The following C7 variants were observed in gnomAD, a reference collection of about 807,000 sequenced individuals.
The protein encoded by C7 is complement C7, also known as complement component C7.
Under a neutral mutation model 104.8 loss-of-function variants are expected in C7, and 83 were observed. That is an observed-to-expected ratio of 0.79 (90% confidence interval 0.66 to 0.95). The LOEUF is 0.95. Ranked by LOEUF, C7 falls within the 40% of genes least tolerant of loss-of-function variation. C7 has a pLI of 0.00. For synonymous variants in C7, 415 were observed against 360.6 expected (o/e 1.15, Z -1.71); for missense variants, 1,070 against 1,011.2 (o/e 1.06, Z -0.79).
At chr5:40,917,461 C>CT (rs957806507) in intron 1 of C7, among the ~76,000 whole-genome samples, 4 of 152,160 alleles carry the variant, frequency 2.6e-5, no homozygotes, top group African/African-American at 7.2e-5. Context: ...GAATTTTCTT[C>CT]TTTTTTTAAG....
intron 1 of C7, among the ~76,000 whole-genome samples, chr5:40,919,332 C>T (rs1739392824): frequency 6.6e-6 from 1 of 152,056 alleles, no homozygotes. Flanking sequence ...ACCATGTTGG[C>T]CAGGCTGGAC....
At chr5:40,964,568 G>A (rs911988993) in intron 13 of C7, 173 bp from the exon 14 acceptor site, 2 of 537,922 alleles carry the variant, frequency 3.7e-6, no homozygotes, top group Non-Finnish European at 3.4e-6. Context: ...ATTAATGGTG[G>A]TGCTAGTGTT....
rs1467044147 is a variant in C7, at chr5:40,983,972, C to A, written c.*2399C>A. Among the ~76,000 whole-genome samples the A allele has an allele frequency of 1.3e-5, 2 of 152,126 alleles. No individual in the cohort carries two copies. The highest frequency in any genetic ancestry group is 3.9e-4 in the East Asian group (2 of 5,166). On this transcript the variant is annotated 3_prime_UTR_variant, in exon 18 of 18. Coordinates refer to ENST00000313164, the MANE Select transcript of C7 (RefSeq NM_000587.4). The stretch of plus-strand genomic sequence containing the variant: ...GAACAGACAAAGAGAAGGAAATTGG[C>A]TGGTGCATTAATCATCACTAGCTTC...
chr5:40,975,626 A>C (rs931251495), intron 15 of C7, among the ~76,000 whole-genome samples: 4 of 152,100 alleles, frequency 2.6e-5, no homozygotes, highest in African/African-American at 4.8e-5. Flanking sequence ...GGCCTCCCAA[A>C]GTGCTGAGAT....
chr5:40,963,762 C>G (rs114060850), intron 13 of C7, among the ~76,000 whole-genome samples: 1,691 of 152,210 alleles, frequency 0.011, 35 homozygotes, highest in African/African-American at 0.038. Flanking sequence ...CACCTTGCTT[C>G]GCCATGAAAG....
At chr5:40,973,969 A>G (rs981241860) in intron 15 of C7, among the ~76,000 whole-genome samples, 57 of 152,338 alleles carry the variant, frequency 3.7e-4, no homozygotes, top group African/African-American at 1.4e-3. Context: ...AGCCTATAAC[A>G]AACAAAAAAA....
intron 1 of C7, among the ~76,000 whole-genome samples, chr5:40,924,751 G>T (rs1336549366): frequency 2.6e-5 from 4 of 152,206 alleles, no homozygotes; most frequent in African/African-American, 7.2e-5. Context: ...CTTACAGTTT[G>T]CACCTGCTGA....
At chr5:40,930,785 C>G (rs546310573) in intron 2 of C7, among the ~76,000 whole-genome samples, 1 of 151,814 alleles carries the variant, frequency 6.6e-6, no homozygotes, top group Non-Finnish European at 1.5e-5. Flanking sequence ...AGCCTGGTCT[C>G]GAACTCCTGA....
intron 1 of C7, among the ~76,000 whole-genome samples, chr5:40,910,456 C>T (rs772693506): frequency 7.9e-5 from 12 of 152,104 alleles, no homozygotes; most frequent in South Asian, 2.1e-4. Context: ...AATCCAAGCT[C>T]GCTCATTATT....
chr5:40,972,209 A>G (rs1740712311), intron 14 of C7, 194 bp from the exon 15 acceptor site: 4 of 607,416 alleles, frequency 6.6e-6, no homozygotes, highest in Non-Finnish European at 1.2e-5. Flanking sequence ...TGGTTTTTAG[A>G]TATTCATGGG....
intron 14 of C7, among the ~76,000 whole-genome samples, chr5:40,968,528 T>G (rs1740607962): frequency 7.0e-6 from 1 of 143,768 alleles, no homozygotes; most frequent in Non-Finnish European, 1.5e-5. Context: ...TTTTAAATTT[T>G]ATCAATTTTA....
At position 40,949,998 on chromosome 5, in the gene C7, T is replaced by C; in HGVS notation, c.1077T>C (p.Ala359=). ...SSHGCKELEN[A]LKAASGTQNN... is the part of the protein sequence containing the mutation. ...ATGGATGCAAGGAACTGGAAAACGC[T>C]TTAAAAGCTGCTTCAGGTAAATGGA... Residue 359 remains alanine (A), a synonymous_variant, in exon 9 of 18, where the codon GCT becomes GCC. Coordinates refer to ENST00000313164, the MANE Select transcript of C7 (RefSeq NM_000587.4). 1 of 1,589,072 alleles carries C rather than the reference T, an allele frequency of 6.3e-7. No individual in the cohort carries two copies. The highest frequency in any genetic ancestry group is 8.6e-7 in the Non-Finnish European group (1 of 1,165,910).
At chr5:40,935,958 A>C (rs1739802623) in intron 4 of C7, among the ~76,000 whole-genome samples, 1 of 151,934 alleles carries the variant, frequency 6.6e-6, no homozygotes, top group Non-Finnish European at 1.5e-5. Flanking sequence ...TTAAATTACC[A>C]AAAAAAGCTC....
Position 40,983,097 on chromosome 5 carries a change from A to G in C7, c.*1524A>G. ...GATATAATATGTTGAAGTTACAAGG[A>G]GGCAGGTTTCAATTGGTTAAAAACA... On this transcript the variant is annotated 3_prime_UTR_variant, in exon 18 of 18. Coordinates refer to ENST00000313164, the MANE Select transcript of C7 (RefSeq NM_000587.4). Among the ~76,000 whole-genome samples, 1 of 152,204 alleles carries G rather than the reference A, an allele frequency of 6.6e-6. No individual in the cohort carries two copies.
rs762932666 is a variant in C7 at position 40,983,081 on chromosome 5, T to C, written c.*1508T>C. The C allele has an allele frequency of 6.6e-6, 1 of 152,368 alleles. No homozygotes were observed. The highest frequency in any genetic ancestry group is 6.5e-5 in the Admixed American group (1 of 15,286). The allele number at this position is 152,368 out of a possible 1,614,324, so 9.4% of individuals were successfully genotyped here. A position where few individuals can be genotyped will look rare whatever the true frequency, so the allele number is the denominator to read the frequency against. ...CCTAAGGGAAGATGCAGATATAATA[T>C]GTTGAAGTTACAAGGAGGCAGGTTT... On this transcript the variant is annotated 3_prime_UTR_variant, in exon 18 of 18. Coordinates refer to ENST00000313164, the MANE Select transcript of C7 (RefSeq NM_000587.4).
intron 1 of C7, among the ~76,000 whole-genome samples, chr5:40,921,800 G>C (rs1015653786): frequency 6.6e-6 from 1 of 152,062 alleles, no homozygotes; most frequent in Non-Finnish European, 1.5e-5. Flanking sequence ...ACTTTGGAAG[G>C]CCGAGGTGGG....
intron 12 of C7, among the ~76,000 whole-genome samples, chr5:40,960,031 T>C (rs1740391505): frequency 6.6e-6 from 1 of 152,206 alleles, no homozygotes; most frequent in African/African-American, 2.4e-5. Flanking sequence ...TACTAAGCAT[T>C]CATTAAAGTT....
At position 40,983,681 on chromosome 5, in the gene C7, T is replaced by A; in HGVS notation, c.*2108T>A. Among the ~76,000 whole-genome samples, 1 of 152,220 alleles carries A rather than the reference T, an allele frequency of 6.6e-6. No homozygotes were observed. Among genetic ancestry groups the A allele is most frequent in the Non-Finnish European group, 1.5e-5 (1 of 68,040 alleles). On this transcript the variant is annotated 3_prime_UTR_variant, in exon 18 of 18. Coordinates refer to ENST00000313164, the MANE Select transcript of C7 (RefSeq NM_000587.4). The stretch of plus-strand genomic sequence containing the variant: ...GCAGGTCAGCAAGGAGAAAGTCATT[T>A]TTAAGATTAAATTTTTAAAAATGTT...
intron 1 of C7, among the ~76,000 whole-genome samples, chr5:40,921,288 C>T (rs1739433132): frequency 6.6e-6 from 1 of 151,918 alleles, no homozygotes; most frequent in South Asian, 2.1e-4. Context: ...TACTATAAAA[C>T]ACTGATGAAC....
Sources: gnomAD v4.1 joint callset for allele counts (sites outside exome capture counted in the v4.1 genomes callset) on GRCh38, gnomAD v4.1.1 for gene constraint, MANE v1.5 for transcripts, NCBI Gene and HGNC (gene_info 2026-07-23, HGNC 2026-07-21) for gene names.